CENPW: variants seen among roughly 807,000 people sequenced by gnomAD.
CENPW encodes the protein centromere protein W.
CENPW carries 3 observed loss-of-function variants against 11.1 expected under a neutral mutation model. The ratio of observed to expected loss-of-function variants is 0.27; its 90% CI spans 0.12 to 0.70. The LOEUF is 0.70. CENPW is among the 30% of genes least tolerant of loss of function. CENPW has a pLI of 0.77. For missense variants in CENPW, 100 were observed against 105.6 expected (o/e 0.95, Z 0.23); for synonymous variants, 38 against 42.0 (o/e 0.91, Z 0.37).
At chr6:126,462,489 CA>C in the CENPW span, among the ~76,000 whole-genome samples, 1 of 149,018 alleles carries the variant, frequency 6.7e-6, no homozygotes. Flanking sequence ...TCATTTCCTT[CA>C]CCTCTTCTCT....
the CENPW span, among the ~76,000 whole-genome samples, chr6:126,432,158 T>C: frequency 6.6e-6 from 1 of 152,116 alleles, no homozygotes; most frequent in African/African-American, 2.4e-5. Context: ...TCAAAGGTTT[T>C]CTTTTATCTG....
chr6:126,369,135 T>C, the CENPW span, among the ~76,000 whole-genome samples: 12 of 152,080 alleles, frequency 7.9e-5, no homozygotes, highest in African/African-American at 2.9e-4. Flanking sequence ...GGCTGAGTAG[T>C]ATTCCATGGT....
chr6:126,419,449 CAGTG>C, the CENPW span, among the ~76,000 whole-genome samples: 1 of 152,006 alleles, frequency 6.6e-6, no homozygotes, highest in East Asian at 1.9e-4. Context: ...AGAATATAAA[CAGTG>C]AGTATAAAAA....
the CENPW span, among the ~76,000 whole-genome samples, chr6:126,396,331 C>A: frequency 6.6e-6 from 1 of 152,140 alleles, no homozygotes; most frequent in East Asian, 1.9e-4. Context: ...CCACCACCAC[C>A]TCCTCAGGCC....
chr6:126,346,108 T>C (rs1780404046), intron 1 of CENPW, 97 bp from the exon 2 acceptor site: 3 of 570,882 alleles, frequency 5.3e-6, no homozygotes, highest in Middle Eastern at 3.9e-4. Flanking sequence ...CAATGGTAAA[T>C]AGTACAATAC....
the CENPW span, among the ~76,000 whole-genome samples, chr6:126,443,409 G>A: frequency 1.3e-5 from 2 of 151,094 alleles, no homozygotes; most frequent in South Asian, 2.1e-4. Context: ...GTAAACTAGC[G>A]GGATTTGGAA....
the CENPW span, among the ~76,000 whole-genome samples, chr6:126,483,141 A>G: frequency 6.6e-6 from 1 of 151,998 alleles, no homozygotes; most frequent in Admixed American, 6.5e-5. Flanking sequence ...AGTTATTTCT[A>G]GTATAAAGAA....
chr6:126,465,104 T>C, the CENPW span, among the ~76,000 whole-genome samples: 8 of 152,112 alleles, frequency 5.3e-5, no homozygotes, highest in African/African-American at 1.9e-4. Context: ...ATCATTTATA[T>C]AGAAAATCTG....
the CENPW span, among the ~76,000 whole-genome samples, chr6:126,370,292 C>T: frequency 6.6e-6 from 1 of 151,348 alleles, no homozygotes; most frequent in Admixed American, 6.6e-5. Flanking sequence ...ATTTTTTTTT[C>T]TAGTTCTGTG....
chr6:126,352,099 C>A (rs1780498136), downstream of CENPW, among the ~76,000 whole-genome samples: 1 of 152,086 alleles, frequency 6.6e-6, no homozygotes, highest in Non-Finnish European at 1.5e-5. Context: ...GGCCATGCTT[C>A]CGAGAACAAC....
intron 1 of CENPW, among the ~76,000 whole-genome samples, chr6:126,341,557 A>G (rs559215124): frequency 7.9e-5 from 12 of 152,262 alleles, no homozygotes; most frequent in Admixed American, 2.6e-4. Context: ...TATTACTTCT[A>G]TCTTCTGCCC....
chr6:126,397,870 C>T, the CENPW span, among the ~76,000 whole-genome samples: 1 of 152,190 alleles, frequency 6.6e-6, no homozygotes, highest in African/African-American at 2.4e-5. Flanking sequence ...AGCCTTTTCA[C>T]ATCCTATTCC....
the CENPW span, among the ~76,000 whole-genome samples, chr6:126,396,645 T>C: frequency 6.6e-6 from 1 of 151,990 alleles, no homozygotes; most frequent in East Asian, 1.9e-4. Context: ...TCCAGCATAG[T>C]TGGGAATGTG....
the CENPW span, among the ~76,000 whole-genome samples, chr6:126,429,125 G>A: frequency 5.3e-5 from 8 of 152,080 alleles, no homozygotes; most frequent in Non-Finnish European, 8.8e-5. Context: ...AGTAAATAAT[G>A]TCTTGATTAA....
At chr6:126,480,857 C>T in the CENPW span, among the ~76,000 whole-genome samples, 1 of 151,960 alleles carries the variant, frequency 6.6e-6, no homozygotes, top group Non-Finnish European at 1.5e-5. Flanking sequence ...AAATGCCTTC[C>T]AGTAAGCACA....
the CENPW span, among the ~76,000 whole-genome samples, chr6:126,382,705 C>T: frequency 6.6e-6 from 1 of 152,024 alleles, no homozygotes; most frequent in African/African-American, 2.4e-5. Context: ...AGCTTGAAGA[C>T]TAATTTCTGA....
the CENPW span, among the ~76,000 whole-genome samples, chr6:126,478,942 G>C: frequency 6.6e-6 from 1 of 151,974 alleles, no homozygotes; most frequent in African/African-American, 2.4e-5. Flanking sequence ...GTGAAGAAAG[G>C]CCTCTTTGGC....
the CENPW span, among the ~76,000 whole-genome samples, chr6:126,408,661 C>A: frequency 6.6e-6 from 1 of 152,222 alleles, no homozygotes; most frequent in East Asian, 1.9e-4. Flanking sequence ...TCTCAATATT[C>A]TTATTGATCT....
At chr6:126,397,479 T>C in the CENPW span, among the ~76,000 whole-genome samples, 2 of 152,176 alleles carry the variant, frequency 1.3e-5, no homozygotes, top group African/African-American at 4.8e-5. Flanking sequence ...TCCTACCCTC[T>C]TCAGTGCGTC....
Sources: allele counts gnomAD v4.1 joint callset (sites outside exome capture counted in the v4.1 genomes callset), GRCh38; gene constraint gnomAD v4.1.1; transcripts MANE v1.5; gene names NCBI Gene and HGNC (gene_info 2026-07-23, HGNC 2026-07-21).